The following TADA2A variants were observed in gnomAD, a reference collection of about 807,000 sequenced individuals.
TADA2A encodes the protein transcriptional adapter 2-alpha.
In TADA2A, 38 loss-of-function variants were observed where a neutral mutation model predicts 67.4. That is an observed-to-expected ratio of 0.56 (90% CI 0.44 to 0.74). The LOEUF is 0.74. TADA2A is among the 30% of genes least tolerant of loss of function. The probability of loss-of-function intolerance (pLI) is 0.00; values close to 1 mark genes in which losing one functional copy is unlikely to be tolerated. For missense variants in TADA2A, 454 were observed against 547.0 expected (o/e 0.83, Z 1.70); for synonymous variants, 192 against 181.6 (o/e 1.06, Z -0.46).
intron 8 of TADA2A, among the ~76,000 whole-genome samples, chr17:37,447,911 C>T (rs2053127820): frequency 1.3e-5 from 2 of 152,136 alleles, no homozygotes; most frequent in South Asian, 4.1e-4. Context: ...CTGATTCAGC[C>T]TCTGGCTTGC....
intron 2 of TADA2A, among the ~76,000 whole-genome samples, chr17:37,417,673 T>C (rs973340720): frequency 6.6e-6 from 1 of 151,908 alleles, no homozygotes; most frequent in Non-Finnish European, 1.5e-5. Flanking sequence ...TAGCTAGGAC[T>C]ACAGGTGTGC....
At chr17:37,431,729 C>T (rs182334020) in intron 4 of TADA2A, among the ~76,000 whole-genome samples, 15 of 152,072 alleles carry the variant, frequency 9.9e-5, no homozygotes, top group African/African-American at 3.1e-4. Flanking sequence ...CACACACCAC[C>T]GTGCCCGGCT....
chr17:37,471,746 G>A (rs1453240235), intron 14 of TADA2A, among the ~76,000 whole-genome samples: 1 of 151,752 alleles, frequency 6.6e-6, no homozygotes, highest in African/African-American at 2.4e-5. Context: ...CCTCAAGTGA[G>A]GCACCCACCA....
chr17:37,409,429 A>G (rs530665599), intron 1 of TADA2A, among the ~76,000 whole-genome samples: 7 of 152,274 alleles, frequency 4.6e-5, no homozygotes, highest in African/African-American at 1.7e-4. Flanking sequence ...ATAGACATTC[A>G]GAAGTAATAC....
chr17:37,443,039 G>A (rs2052968406), intron 7 of TADA2A, among the ~76,000 whole-genome samples: 1 of 152,084 alleles, frequency 6.6e-6, no homozygotes, highest in Non-Finnish European at 1.5e-5. Context: ...GTGCATGCCT[G>A]TAGTCCCAAC....
chr17:37,439,448 A>G (rs547837455), intron 5 of TADA2A, among the ~76,000 whole-genome samples: 1 of 151,904 alleles, frequency 6.6e-6, no homozygotes, highest in African/African-American at 2.4e-5. Flanking sequence ...ACCCCTGGCT[A>G]ATCTTTGTAT....
intron 3 of TADA2A, among the ~76,000 whole-genome samples, chr17:37,425,701 T>G (rs547110440): frequency 6.6e-6 from 1 of 152,232 alleles, no homozygotes; most frequent in South Asian, 2.1e-4. Context: ...TAGGCTGGAG[T>G]GCAGTGGCAT....
chr17:37,432,768 C>T (rs891287220), intron 4 of TADA2A, among the ~76,000 whole-genome samples: 3 of 152,074 alleles, frequency 2.0e-5, no homozygotes, highest in South Asian at 2.1e-4. Context: ...TTTAAATAAA[C>T]GATTGGCAAG....
Position 37,418,980 on chromosome 17 carries a change from C to T in TADA2A, c.26-4529C>T, listed in dbSNP as rs750197706. On this transcript the variant is annotated intron_variant, in intron 2 of 15. Coordinates refer to ENST00000615182, the MANE Select transcript of TADA2A (RefSeq NM_001166105.3). The stretch of plus-strand genomic sequence containing the variant: ...TCCTAAGCTGAAGCGATCATCCTGC[C>T]TTTTCCTCCCAAAGTGCTGGGGTTA... Among the ~76,000 whole-genome samples, 15 of 145,760 alleles carry T rather than the reference C, an allele frequency of 1.0e-4. 3 individuals carry two copies. Among genetic ancestry groups the T allele is most frequent in the Admixed American group, 2.8e-4 (4 of 14,354 alleles).
intron 2 of TADA2A, among the ~76,000 whole-genome samples, chr17:37,416,372 G>A (rs755451206): frequency 2.0e-5 from 3 of 151,390 alleles, no homozygotes; most frequent in African/African-American, 4.9e-5. Context: ...TGCCTGCCTC[G>A]GCCTCCCTCT....
At chr17:37,458,338 T>G (rs2053451105) in intron 8 of TADA2A, among the ~76,000 whole-genome samples, 186 bp from the exon 9 acceptor site, 1 of 152,194 alleles carries the variant, frequency 6.6e-6, no homozygotes, top group African/African-American at 2.4e-5. Context: ...AAAAATAACT[T>G]TACTTATTGA....
chr17:37,415,438 ATAT>A (rs1443849606), intron 2 of TADA2A, among the ~76,000 whole-genome samples: 4 of 152,204 alleles, frequency 2.6e-5, no homozygotes, highest in Admixed American at 6.6e-5. Flanking sequence ...ATTACATCTA[ATAT>A]TATATATAAC....
At chr17:37,441,962 G>A (rs2052931415) in intron 6 of TADA2A, among the ~76,000 whole-genome samples, 1 of 152,130 alleles carries the variant, frequency 6.6e-6, no homozygotes, top group Non-Finnish European at 1.5e-5. Context: ...CACCGTGCCT[G>A]GTTGATACCT....
chr17:37,467,062 CA>C (rs1271771502), intron 11 of TADA2A, among the ~76,000 whole-genome samples: 1 of 151,936 alleles, frequency 6.6e-6, no homozygotes, highest in Non-Finnish European at 1.5e-5. Context: ...GACGCTGAGG[CA>C]GGGGGAATTG....
At chr17:37,462,483 T>C (rs1376255301) in intron 10 of TADA2A, among the ~76,000 whole-genome samples, 2 of 151,008 alleles carry the variant, frequency 1.3e-5, no homozygotes, top group African/African-American at 4.9e-5. Context: ...AAAAAAAAAA[T>C]TAGCCAGGCG....
intron 3 of TADA2A, among the ~76,000 whole-genome samples, chr17:37,425,364 C>T (rs1177186975): frequency 6.6e-6 from 1 of 152,158 alleles, no homozygotes; most frequent in Non-Finnish European, 1.5e-5. Context: ...AGTACTTGCT[C>T]TGTCCCAGGC....
At chr17:37,431,326 C>T (rs2052560458) in intron 4 of TADA2A, among the ~76,000 whole-genome samples, 1 of 151,954 alleles carries the variant, frequency 6.6e-6, no homozygotes. Context: ...ACATGATGTA[C>T]TTAGGCTGAA....
chr17:37,423,449 T>C, intron 2 of TADA2A, 60 bp from the exon 3 acceptor site: 1 of 1,318,170 alleles, frequency 7.6e-7, no homozygotes, highest in Admixed American at 2.2e-5. Context: ...TTTCACCTTT[T>C]TGCACTTAAG....
intron 4 of TADA2A, among the ~76,000 whole-genome samples, chr17:37,435,490 G>A (rs577898223): frequency 1.6e-4 from 24 of 152,024 alleles, no homozygotes; most frequent in African/African-American, 4.1e-4. Context: ...GGGTTTCACC[G>A]TGTTAGCCAA....
Sources: allele counts gnomAD v4.1 joint callset (sites outside exome capture counted in the v4.1 genomes callset), GRCh38; gene constraint gnomAD v4.1.1; transcripts MANE v1.5; gene names NCBI Gene and HGNC (gene_info 2026-07-23, HGNC 2026-07-21).